KCNK3: variants seen among roughly 807,000 people sequenced by gnomAD.
KCNK3 encodes the protein potassium two pore domain channel subfamily K member 3, also known as potassium channel subfamily K member 3.
A neutral mutation model predicts 27.3 loss-of-function variants in KCNK3; 9 were observed. The ratio of observed to expected loss-of-function variants is 0.33; its 90% CI spans 0.20 to 0.57. KCNK3 has a LOEUF of 0.57. KCNK3 is among the 20% of genes least tolerant of loss of function. KCNK3 has a pLI of 0.87. For synonymous variants in KCNK3, 278 were observed against 273.8 expected (o/e 1.02, Z -0.15); for missense variants, 391 against 577.7 (o/e 0.68, Z 3.31).
At position 26,728,428 on chromosome 2, in the gene KCNK3, G is replaced by A. The variant is rs1210812256; in HGVS notation, c.1045G>A (p.Gly349Arg). The A allele has an allele frequency of 1.3e-6, 2 of 1,591,534 alleles. No individual in the cohort carries two copies. Among genetic ancestry groups the A allele is most frequent in the East Asian group, 2.3e-5 (1 of 43,924 alleles). The change falls in exon 2 of 2, where the codon GGG becomes AGG. Residue 349 changes from glycine (G) to arginine (R), a missense_variant. Gly to Arg is a moderately radical substitution (Grantham distance 125). Around this residue, in one of 4 missense-constraint regions of KCNK3, gnomAD observed 192 missense variants for 196.0 expected, o/e 0.98. Coordinates refer to ENST00000302909, the MANE Select transcript of KCNK3 (RefSeq NM_002246.3). ...CVEQSHSSPG[G>R]GGRYSDTPSR... ...GGAGCAGAGCCACTCGTCGCCGGGAGGGGGCGGCCGCTACAGCGACACGCC... is the reference window on the plus strand; with the variant it reads ...GGAGCAGAGCCACTCGTCGCCGGGAAGGGGCGGCCGCTACAGCGACACGCC...
In KCNK3 at chr2:26,728,185, G is replaced by C. The variant is rs774439143; in HGVS notation, c.802G>C (p.Gly268Arg). The change falls in exon 2 of 2, where the codon GGG becomes CGG. Residue 268 changes from glycine to arginine, a missense_variant. Gly to Arg is a moderately radical substitution (Grantham distance 125, BLOSUM62 -2). Transcript: ENST00000302909. ...GCACCGCGCGCTGCTCACGCGCAAC[G>C]GGCAGGCGGGCGGCGGCGGAGGGGG... ...AEHRALLTRN[G>R]QAGGGGGGGS... The C allele has an allele frequency of 2.6e-5, 41 of 1,567,912 alleles. No homozygotes were observed. Among genetic ancestry groups the C allele is most frequent in the Middle Eastern group, 3.3e-4 (2 of 5,992 alleles).
intron 1 of KCNK3, among the ~76,000 whole-genome samples, chr2:26,709,124 CAG>C (rs1266174261): frequency 1.3e-5 from 2 of 152,176 alleles, no homozygotes; most frequent in African/African-American, 4.8e-5. Context: ...AAAGAACATC[CAG>C]AGAGTAGCAG....
chr2:26,699,348 T>C (rs1670279088), intron 1 of KCNK3, among the ~76,000 whole-genome samples: 1 of 152,052 alleles, frequency 6.6e-6, no homozygotes, highest in Non-Finnish European at 1.5e-5. Context: ...TGTCTGCAGG[T>C]CCCGTTTCCA....
rs533311733 is a variant in KCNK3, at chr2:26,718,102, G to A, written c.284-9565G>A. 2.2e-4 allele frequency among the ~76,000 whole-genome samples: 33 copies of A among 148,706 alleles called. 1 individual carries two copies. Among genetic ancestry groups the A allele is most frequent in the Non-Finnish European group, 3.7e-4 (25 of 67,448 alleles). On this transcript the variant is annotated intron_variant, in intron 1 of 1. Coordinates refer to ENST00000302909, the MANE Select transcript of KCNK3 (RefSeq NM_002246.3). ...CGCCCCTACCTCCTCCTCTCATCCC[G>A]AACTCTTGGATCCTCCGCTTCCCTC...
rs970888197 is a variant in KCNK3 at position 26,694,392 on chromosome 2, C to T, written c.283+1234C>T. Among the ~76,000 whole-genome samples the T allele has an allele frequency of 2.0e-5, 3 of 152,170 alleles. No homozygotes were observed. In the East Asian group the frequency reaches 5.8e-4, roughly 29 times the overall value. On this transcript the variant is annotated intron_variant, in intron 1 of 1. Transcript: ENST00000302909. ...CTCCCAGGGGTTCGTTGCCACTTAG[C>T]GCAGCCCATGAAGATGGCATTGTTT...
At position 26,693,528 on chromosome 2, in the gene KCNK3, G is replaced by A. The variant is rs902580728; in HGVS notation, c.283+370G>A. Among the ~76,000 whole-genome samples the A allele has an allele frequency of 3.3e-5, 5 of 152,216 alleles. No individual in the cohort carries two copies. The highest frequency in any genetic ancestry group is 7.4e-5 in the Non-Finnish European group (5 of 68,024). ...AGGGCGCTGAGAGTGAGCGGCGGGA[G>A]AGCGCCAGTGCTCCGTATCCCTGAG... On this transcript the variant is annotated intron_variant, in intron 1 of 1. Transcript: ENST00000302909. This position sits in a 1 kb window ranked among gnomAD's most constrained non-coding sequence, Gnocchi z 5.5.
intron 1 of KCNK3, among the ~76,000 whole-genome samples, chr2:26,705,878 T>C (rs1385918920): frequency 1.4e-5 from 2 of 146,298 alleles, no homozygotes; most frequent in Non-Finnish European, 3.0e-5. Flanking sequence ...GGTAGGGGGG[T>C]GGGGGGCAGG....
At chr2:26,722,467 G>A (rs1227854779) in intron 1 of KCNK3, among the ~76,000 whole-genome samples, 1 of 152,208 alleles carries the variant, frequency 6.6e-6, no homozygotes, top group Non-Finnish European at 1.5e-5. Context: ...TCTATGAAGT[G>A]AGTACTTCAT....
rs1670185542 is a variant in KCNK3, at chr2:26,692,782, T to C, written c.-94T>C. 2 of 673,156 alleles carry C rather than the reference T, an allele frequency of 3.0e-6. No homozygotes were observed. The highest frequency in any genetic ancestry group is 6.3e-5 in the South Asian group (1 of 15,986). The allele number at this position is 673,156 out of a possible 1,614,324, so 41.7% of individuals were successfully genotyped here. A position where few individuals can be genotyped will look rare whatever the true frequency, so the allele number is the denominator to read the frequency against. On this transcript the variant is annotated 5_prime_UTR_variant, in exon 1 of 2. It removes an upstream start codon present in the reference 5' UTR. Coordinates refer to ENST00000302909, the MANE Select transcript of KCNK3 (RefSeq NM_002246.3). This position sits in a 1 kb window ranked among gnomAD's most constrained non-coding sequence, Gnocchi z 5.6. The stretch of plus-strand genomic sequence containing the variant: ...GCGCGGAGAGCGGCGAGCGCAGCCA[T>C]GCCCCAGGCCGCCTCCGGGGCAGCA...
chr2:26,710,513 T>C (rs1663092013), intron 1 of KCNK3, among the ~76,000 whole-genome samples: 1 of 152,160 alleles, frequency 6.6e-6, no homozygotes, highest in Non-Finnish European at 1.5e-5. Flanking sequence ...GCTTGGGAAC[T>C]CAAAGACCCT....
At chr2:26,720,239 A>G (rs903957366) in intron 1 of KCNK3, among the ~76,000 whole-genome samples, 3 of 152,210 alleles carry the variant, frequency 2.0e-5, no homozygotes, top group African/African-American at 4.8e-5. Context: ...TGGGCAACAC[A>G]GCGAGATTCC....
chr2:26,711,165 G>A (rs946950123), intron 1 of KCNK3, among the ~76,000 whole-genome samples: 2 of 152,176 alleles, frequency 1.3e-5, no homozygotes, highest in African/African-American at 2.4e-5. Context: ...AAATTACCAC[G>A]TCTCTGTCAT....
chr2:26,714,830 G>T (rs1046910333), intron 1 of KCNK3, among the ~76,000 whole-genome samples: 2 of 152,042 alleles, frequency 1.3e-5, no homozygotes, highest in Non-Finnish European at 2.9e-5. Context: ...AGGTTGCAGT[G>T]AGCCGAGATC....
intron 1 of KCNK3, among the ~76,000 whole-genome samples, chr2:26,720,622 T>C (rs1034100994): frequency 4.0e-5 from 6 of 151,722 alleles, no homozygotes; most frequent in African/African-American, 1.5e-4. Flanking sequence ...CACCTGTGGA[T>C]GGGAGGCAGC....
At position 26,721,274 on chromosome 2, in the gene KCNK3, T is replaced by C. The variant is rs1163110088; in HGVS notation, c.284-6393T>C. On this transcript the variant is annotated intron_variant, in intron 1 of 1. Coordinates refer to ENST00000302909, the MANE Select transcript of KCNK3 (RefSeq NM_002246.3). This position sits in a 1 kb window ranked among gnomAD's most constrained non-coding sequence, Gnocchi z 4.3. ...GAGAGGGGCAGAGGGAGGAGAGGCCTCTTCAGTGCCCAGAGAAGGTTCCCA... is the reference window on the plus strand; with the variant it reads ...GAGAGGGGCAGAGGGAGGAGAGGCCCCTTCAGTGCCCAGAGAAGGTTCCCA... Among the ~76,000 whole-genome samples the C allele has an allele frequency of 6.6e-6, 1 of 151,964 alleles. No individual in the cohort carries two copies. The highest frequency in any genetic ancestry group is 1.5e-5 in the Non-Finnish European group (1 of 67,964).
At chr2:26,711,701 C>T (rs1663111692) in intron 1 of KCNK3, among the ~76,000 whole-genome samples, 1 of 152,234 alleles carries the variant, frequency 6.6e-6, no homozygotes, top group African/African-American at 2.4e-5. Context: ...ACACAACGTA[C>T]ATATATTAGC....
intron 1 of KCNK3, among the ~76,000 whole-genome samples, chr2:26,708,327 G>A (rs1346879471): frequency 6.6e-6 from 1 of 152,032 alleles, no homozygotes; most frequent in East Asian, 1.9e-4. Flanking sequence ...AGGAGAAGAG[G>A]CAGAAATCTG....
chr2:26,693,083 A>G lies in KCNK3; in HGVS notation c.208A>G (p.Lys70Glu). The G allele has an allele frequency of 6.2e-7, 1 of 1,603,340 alleles. No individual in the cohort carries two copies. ...EELERVVLRL[K>E]PHKAGVQWRF... ...GCTGGAGCGCGTCGTGCTGCGCCTC[A>G]AGCCGCACAAGGCCGGCGTGCAGTG... Residue 70 changes from lysine (K) to glutamate (E), a missense_variant, in exon 1 of 2, where the codon AAG becomes GAG. Around this residue, in one of 4 missense-constraint regions of KCNK3, gnomAD observed 158 missense variants for 267.7 expected, o/e 0.59. Coordinates refer to ENST00000302909, the MANE Select transcript of KCNK3 (RefSeq NM_002246.3). This position sits in a 1 kb window ranked among gnomAD's most constrained non-coding sequence, Gnocchi z 5.5.
rs1358798830 is a variant in KCNK3 at position 26,716,146 on chromosome 2, A to G, written c.284-11521A>G. 2.6e-5 allele frequency among the ~76,000 whole-genome samples: 4 copies of G among 152,338 alleles called. No individual in the cohort carries two copies. The East Asian group carries it at 7.7e-4, about 29-fold the overall frequency. On this transcript the variant is annotated intron_variant, in intron 1 of 1. Coordinates refer to ENST00000302909, the MANE Select transcript of KCNK3 (RefSeq NM_002246.3). ...ATCTTGGTGTGAAGAGTCCCGGGGC[A>G]GCCAAGTGCAGCAGAAAAAAACTGC...
Sources: gnomAD v4.1 joint callset for allele counts (sites outside exome capture counted in the v4.1 genomes callset) on GRCh38, gnomAD v4.1.1 for gene constraint, gnomAD v4.1.1 regional missense constraint, Gnocchi (gnomAD v3.1) non-coding constraint, MANE v1.5 for transcripts, NCBI Gene and HGNC (gene_info 2026-07-23, HGNC 2026-07-21) for gene names.